The following SPATA7 variants were observed in gnomAD, a reference collection of about 807,000 sequenced individuals.
The protein encoded by SPATA7 is spermatogenesis associated 7.
SPATA7 carries 43 observed loss-of-function variants against 51.8 expected under a neutral mutation model. The observed-to-expected ratio is 0.83, with a 90% CI of 0.65 to 1.07. The LOEUF (loss-of-function observed/expected upper bound fraction) is 1.07. SPATA7 is among the 50% of genes least tolerant of loss of function. The pLI, the probability that SPATA7 is intolerant of heterozygous loss-of-function variation, is 0.00. For missense variants in SPATA7, 683 were observed against 701.3 expected (o/e 0.97, Z 0.30); for synonymous variants, 230 against 252.8 (o/e 0.91, Z 0.86).
rs541664761 is a variant in SPATA7, at chr14:88,393,340, T to G, written c.95-53T>G. The G allele has an allele frequency of 4.3e-5, 53 of 1,232,390 alleles. 1 individual carries two copies. The South Asian group carries it at 7.0e-4, about 16-fold the overall frequency. 76.3% of individuals were successfully genotyped at this position (1,232,390 alleles called of 1,614,324 possible). ...TTAAATAATCAGTGCCTTGTTTATC[T>G]CATGATTTTTATATTAGTTTTAAAT... is the stretch of plus-strand genomic sequence containing the variant. On this transcript the variant is annotated intron_variant, in intron 2 of 11. Coordinates refer to ENST00000393545, the MANE Select transcript of SPATA7 (RefSeq NM_018418.5).
intron 4 of SPATA7, among the ~76,000 whole-genome samples, chr14:88,415,628 T>G (rs2076455373): frequency 6.6e-6 from 1 of 152,142 alleles, no homozygotes; most frequent in Non-Finnish European, 1.5e-5. Context: ...TGAGGTTTGA[T>G]CCTGTCATGG....
chr14:88,458,055 C>G (rs1006356048), downstream of SPATA7, among the ~76,000 whole-genome samples: 1 of 152,094 alleles, frequency 6.6e-6, no homozygotes, highest in African/African-American at 2.4e-5. Flanking sequence ...GTTGAACCAG[C>G]CTTGCATCCC....
intron 1 of SPATA7, among the ~76,000 whole-genome samples, chr14:88,388,432 ATAGT>A (rs1168581841): frequency 1.3e-5 from 2 of 152,170 alleles, no homozygotes; most frequent in Non-Finnish European, 2.9e-5. Context: ...TTTAGTCCTA[ATAGT>A]TAGAGAATGA....
intron 5 of SPATA7, among the ~76,000 whole-genome samples, chr14:88,417,305 T>TG (rs1491198078): frequency 1.3e-4 from 4 of 30,408 alleles, no homozygotes; most frequent in Non-Finnish European, 3.7e-4. Flanking sequence ...ATCTGTGGGG[T>TG]TTTTTTTTTT....
rs553032408 is a variant in SPATA7 at position 88,386,523 on chromosome 14, G to C, written c.19+686G>C. ...CGGTGTTGCTGGTCAGCGGACTGCA[G>C]TTTTAGCAGCAATCCGTACTCACCA... On this transcript the variant is annotated intron_variant, in intron 1 of 11. Coordinates refer to ENST00000393545, the MANE Select transcript of SPATA7 (RefSeq NM_018418.5). 8.5e-5 allele frequency among the ~76,000 whole-genome samples: 13 copies of C among 152,266 alleles called. No homozygotes were observed. In the South Asian group the frequency reaches 2.3e-3, roughly 27 times the overall value.
intron 4 of SPATA7, among the ~76,000 whole-genome samples, chr14:88,403,464 A>G (rs915949386): frequency 6.6e-6 from 1 of 152,182 alleles, no homozygotes; most frequent in Non-Finnish European, 1.5e-5. Context: ...GTATGTGTAT[A>G]AAGAAATACT....
At chr14:88,399,825 AAT>A (rs1452537492) in intron 4 of SPATA7, among the ~76,000 whole-genome samples, 7 of 152,316 alleles carry the variant, frequency 4.6e-5, no homozygotes, top group African/African-American at 1.7e-4. Flanking sequence ...AGAACTCCTA[AAT>A]ATATCATGCA....
intron 7 of SPATA7, 115 bp downstream of exon 7, chr14:88,427,811 C>A: frequency 1.3e-6 from 1 of 798,594 alleles, no homozygotes; most frequent in Non-Finnish European, 2.1e-6. Flanking sequence ...TGGCACTTAT[C>A]ATACATGATA....
At chr14:88,410,913 G>A (rs1376972153) in intron 4 of SPATA7, 2 of 152,686 alleles carry the variant, frequency 1.3e-5, no homozygotes, top group Admixed American at 6.5e-5. Flanking sequence ...CACTGGCTGG[G>A]AGATCCGCTG....
At chr14:88,422,318 C>T (rs1365018248) in intron 5 of SPATA7, among the ~76,000 whole-genome samples, 1 of 152,094 alleles carries the variant, frequency 6.6e-6, no homozygotes, top group Non-Finnish European at 1.5e-5. Flanking sequence ...GATAAAAAGA[C>T]CAGCAATAGA....
chr14:88,452,728 G>C (rs845756), intron 3 of SPATA7, among the ~76,000 whole-genome samples: 148,252 of 152,292 alleles, frequency 0.97, 72,289 homozygotes, highest in Middle Eastern at 1. Flanking sequence ...CCTGCTGCTA[G>C]TATTTTTAAA....
In SPATA7 at chr14:88,438,361, T is replaced by C. The variant is rs764696684; in HGVS notation, c.1739T>C (p.Met580Thr). 3.1e-6 allele frequency: 5 copies of C among 1,614,108 alleles called. No homozygotes were observed. The highest frequency in any genetic ancestry group is 4.2e-6 in the Non-Finnish European group (5 of 1,179,992). Reference protein sequence around the residue: ...SSVKGDNNHDMELSTLKIMEM... With the variant: ...SSVKGDNNHDTELSTLKIMEM... ...GTCAAAGGCGACAATAATCATGACA[T>C]GGAGTTATCAACTCTTAAAATCATG... Residue 580 changes from methionine (M) to threonine (T), a missense_variant, in exon 12 of 12, where the codon ATG (methionine) becomes ACG (threonine). Met to Thr is a moderately conservative substitution (Grantham distance 81). Transcript: ENST00000393545.
In SPATA7 at chr14:88,393,401, A is replaced by G. The variant is rs368604833; in HGVS notation, c.103A>G (p.Thr35Ala). The change falls in exon 3 of 12, where the codon ACT becomes GCT. Residue 35 changes from threonine (T) to alanine (A), a missense_variant. By Grantham distance (58) the Thr-to-Ala change is moderately conservative. Coordinates refer to ENST00000393545, the MANE Select transcript of SPATA7 (RefSeq NM_018418.5). The stretch of plus-strand genomic sequence containing the variant: ...TATGTTTTAATTTTTAGCTTTTTGC[A>G]CTGACTCCTCTTCTCTCAGACTAAG... ...HLSTKSNAFC[T>A]DSSSLRLSTL... 1.1e-5 allele frequency: 18 copies of G among 1,592,690 alleles called. No homozygotes were observed. Among genetic ancestry groups the G allele is most frequent in the South Asian group, 4.6e-5 (4 of 87,880 alleles).
intron 5 of SPATA7, among the ~76,000 whole-genome samples, chr14:88,418,237 G>A (rs938422090): frequency 6.6e-6 from 1 of 151,780 alleles, no homozygotes; most frequent in African/African-American, 2.4e-5. Context: ...TTTGTTTTCT[G>A]TTTTGTTAAT....
chr14:88,395,770 G>C (rs763234619), intron 3 of SPATA7, among the ~76,000 whole-genome samples: 14 of 152,048 alleles, frequency 9.2e-5, no homozygotes, highest in Non-Finnish European at 1.9e-4. Context: ...TGGTTCTGTT[G>C]ATCTATATGT....
At chr14:88,429,541 A>G (rs576151567) in intron 8 of SPATA7, 78 bp downstream of exon 8, 66 of 902,384 alleles carry the variant, frequency 7.3e-5, no homozygotes, top group Non-Finnish European at 1.1e-4. Context: ...TATTTGCCGC[A>G]TAAGTACTAT....
intron 6 of SPATA7, 137 bp downstream of exon 6, chr14:88,426,841 T>G (rs2076808616): frequency 1.2e-6 from 1 of 833,520 alleles, no homozygotes; most frequent in South Asian, 1.6e-5. Context: ...AATGTGACTT[T>G]TCCTTTTCCA....
At chr14:88,424,746 A>G (rs1041847719) in intron 5 of SPATA7, among the ~76,000 whole-genome samples, 4 of 152,190 alleles carry the variant, frequency 2.6e-5, no homozygotes, top group African/African-American at 9.6e-5. Flanking sequence ...TCATTTACCA[A>G]ATAGTACCCT....
chr14:88,446,722 T>C (rs2077215728), intron 3 of SPATA7, among the ~76,000 whole-genome samples: 1 of 152,248 alleles, frequency 6.6e-6, no homozygotes, highest in African/African-American at 2.4e-5. Context: ...TCTTTATTTC[T>C]GCCTTCGTTT....
Sources: allele counts gnomAD v4.1 joint callset (sites outside exome capture counted in the v4.1 genomes callset), GRCh38; gene constraint gnomAD v4.1.1; transcripts MANE v1.5; gene names NCBI Gene and HGNC (gene_info 2026-07-23, HGNC 2026-07-21).